The following GLIS3 variants were observed in gnomAD, a reference collection of about 807,000 sequenced individuals.
GLIS3 encodes zinc finger protein GLIS3.
GLIS3 carries 53 observed loss-of-function variants against 78.6 expected under a neutral mutation model. The ratio of observed to expected loss-of-function variants is 0.67; its 90% CI spans 0.54 to 0.85. The LOEUF is 0.85. GLIS3 is among the 40% of genes least tolerant of loss of function. The pLI is 0.00. For missense variants in GLIS3, 1,703 were observed against 1,231.1 expected, an observed-to-expected ratio of 1.38 and a Z score of -5.74; for synonymous variants, 684 against 509.9, an observed-to-expected ratio of 1.34 and a Z score of -4.60.
chr9:4,194,784 G>C (rs188881411), intron 2 of GLIS3, among the ~76,000 whole-genome samples: 1 of 152,196 alleles, frequency 6.6e-6, no homozygotes, highest in Non-Finnish European at 1.5e-5. Context: ...CCCTGGCCAA[G>C]GGAGAGTACT....
At chr9:4,186,909 G>A (rs1209942273) in intron 2 of GLIS3, among the ~76,000 whole-genome samples, 4 of 152,144 alleles carry the variant, frequency 2.6e-5, no homozygotes, top group African/African-American at 9.7e-5. Context: ...TATGTCAGAT[G>A]AGTAGGTTGG....
the GLIS3 span, among the ~76,000 whole-genome samples, chr9:4,368,150 G>A: frequency 2.0e-5 from 3 of 152,068 alleles, no homozygotes; most frequent in African/African-American, 4.8e-5. Flanking sequence ...ACTTATATCA[G>A]CTTTTAAGTG....
chr9:4,102,356 ATCTGTGTT>A (rs1830434479), intron 4 of GLIS3, among the ~76,000 whole-genome samples: 1 of 152,192 alleles, frequency 6.6e-6, no homozygotes, highest in Non-Finnish European at 1.5e-5. Context: ...TAAGCCAAGT[ATCTGTGTT>A]TCAGGCACTG....
intron 4 of GLIS3, among the ~76,000 whole-genome samples, chr9:4,091,858 T>A (rs2130756656): frequency 6.6e-6 from 1 of 152,242 alleles, no homozygotes; most frequent in African/African-American, 2.4e-5. Context: ...TATCTGTGTA[T>A]CTAAACATAT....
chr9:4,100,964 C>T (rs1460560711), intron 4 of GLIS3, among the ~76,000 whole-genome samples: 2 of 151,976 alleles, frequency 1.3e-5, no homozygotes, highest in East Asian at 3.8e-4. Context: ...AATAGCCAGC[C>T]CTGGTGTGAA....
chr9:4,370,636 A>G, the GLIS3 span, among the ~76,000 whole-genome samples: 3 of 152,104 alleles, frequency 2.0e-5, no homozygotes, highest in African/African-American at 7.2e-5. Flanking sequence ...ATTTCTAAAT[A>G]TTAAACATGC....
At chr9:4,059,779 G>A (rs79709879) in intron 4 of GLIS3, among the ~76,000 whole-genome samples, 4,609 of 136,388 alleles carry the variant, frequency 0.034, 399 homozygotes, top group East Asian at 0.27. Context: ...TCTCCTGAAA[G>A]GGCTTGTCAC....
chr9:4,161,109 A>G (rs988413958), intron 2 of GLIS3, among the ~76,000 whole-genome samples: 3 of 151,124 alleles, frequency 2.0e-5, no homozygotes, highest in Non-Finnish European at 4.4e-5. Context: ...AGAAAGAAAG[A>G]AAAGAAAAGA....
At chr9:4,221,537 G>A (rs1036241197) in intron 2 of GLIS3, among the ~76,000 whole-genome samples, 2 of 151,980 alleles carry the variant, frequency 1.3e-5, no homozygotes, top group African/African-American at 2.4e-5. Context: ...TGAAGCAAGA[G>A]GCTTCGAAAT....
intron 2 of GLIS3, among the ~76,000 whole-genome samples, chr9:4,252,695 G>C (rs958634514): frequency 2.6e-5 from 4 of 152,062 alleles, no homozygotes; most frequent in Non-Finnish European, 5.9e-5. Flanking sequence ...AGGTGTTCTG[G>C]GTTTTGGAAT....
intron 4 of GLIS3, among the ~76,000 whole-genome samples, chr9:4,099,349 T>C (rs1396289487): frequency 6.6e-6 from 1 of 152,202 alleles, no homozygotes; most frequent in Non-Finnish European, 1.5e-5. Flanking sequence ...TTTCTGGTGG[T>C]TTGCTGGCAA....
the GLIS3 span, among the ~76,000 whole-genome samples, chr9:4,455,202 C>T: frequency 3.5e-3 from 536 of 152,250 alleles, 2 homozygotes; most frequent in African/African-American, 0.012. Flanking sequence ...TCGGTGAGTC[C>T]ATAAATTGCT....
chr9:3,867,709 C>A, intron 8 of GLIS3, among the ~76,000 whole-genome samples: 1 of 134,006 alleles, frequency 7.5e-6, no homozygotes, highest in East Asian at 2.2e-4. Flanking sequence ...TTACATTCAA[C>A]AATTCTTGTG....
At chr9:4,073,670 G>A (rs979626467) in intron 4 of GLIS3, among the ~76,000 whole-genome samples, 1 of 152,132 alleles carries the variant, frequency 6.6e-6, no homozygotes, top group Admixed American at 6.6e-5. Context: ...CCCTAACCCT[G>A]ACCAGGACAT....
At position 3,906,386 on chromosome 9, in the gene GLIS3, G is replaced by A. The variant is rs561798520; in HGVS notation, c.1984-7551C>T. Among the ~76,000 whole-genome samples, 19 of 152,242 alleles carry A rather than the reference G, an allele frequency of 1.2e-4. No homozygotes were observed. The South Asian group carries it at 3.3e-3, about 27-fold the overall frequency. The stretch of plus-strand genomic sequence containing the variant: ...GAGAAGTGGTCCAGCTGAATTGCTC[G>A]ACCTTCAAAAGTGCTCTTTCGAAGG... On this transcript the variant is annotated intron_variant, in intron 6 of 10. Transcript: ENST00000381971.
chr9:3,828,664 G>C (rs968340975), intron 10 of GLIS3, among the ~76,000 whole-genome samples: 2 of 152,222 alleles, frequency 1.3e-5, no homozygotes, highest in Admixed American at 1.3e-4. Flanking sequence ...TCTAGGGAAG[G>C]CTGGGGGTGG....
intron 2 of GLIS3, among the ~76,000 whole-genome samples, chr9:4,331,688 T>G (rs755419941): frequency 1.1e-4 from 16 of 152,188 alleles, no homozygotes; most frequent in Non-Finnish European, 2.4e-4. Context: ...AGAAATATGA[T>G]GAAGGCAGGC....
At chr9:4,309,328 G>A (rs1817303354) in intron 3 of GLIS3, among the ~76,000 whole-genome samples, 1 of 152,132 alleles carries the variant, frequency 6.6e-6, no homozygotes, top group South Asian at 2.1e-4. Context: ...ATTAAGACTT[G>A]GCTGTAAGTT....
chr9:4,230,977 T>C (rs1587065274), intron 2 of GLIS3, among the ~76,000 whole-genome samples: 1 of 151,788 alleles, frequency 6.6e-6, no homozygotes, highest in African/African-American at 2.4e-5. Flanking sequence ...GAGACTGGAG[T>C]GGGATGATCA....
Sources: allele counts gnomAD v4.1 joint callset (sites outside exome capture counted in the v4.1 genomes callset), GRCh38; gene constraint gnomAD v4.1.1; transcripts MANE v1.5; gene names NCBI Gene and HGNC (gene_info 2026-07-23, HGNC 2026-07-21).